DCC: variants seen among roughly 807,000 people sequenced by gnomAD.
DCC encodes netrin receptor DCC.
Under a neutral mutation model 172.5 loss-of-function variants are expected in DCC, and 58 were observed. That is an observed-to-expected ratio of 0.34 (90% CI 0.27 to 0.42). The LOEUF is 0.42. DCC is among the 10% of genes least tolerant of loss of function. The pLI, the probability that DCC is intolerant of heterozygous loss-of-function variation, is 1.00. For missense variants in DCC, 1,740 were observed against 1,791.0 expected, an observed-to-expected ratio of 0.97 and a Z score of 0.51; for synonymous variants, 709 against 644.5, an observed-to-expected ratio of 1.10 and a Z score of -1.52.
chr18:53,068,909 C>T (rs1599093989), intron 7 of DCC, among the ~76,000 whole-genome samples: 1 of 151,836 alleles, frequency 6.6e-6, no homozygotes, highest in South Asian at 2.1e-4. Flanking sequence ...TCTGAGGAAG[C>T]TGAGAGACCA....
intron 1 of DCC, among the ~76,000 whole-genome samples, chr18:52,509,708 G>C (rs145770557): frequency 6.6e-5 from 10 of 152,296 alleles, no homozygotes; most frequent in Non-Finnish European, 1.3e-4. Context: ...CTGCGATTTA[G>C]GATCTTGTGG....
intron 3 of DCC, 57 bp from the exon 4 acceptor site, chr18:52,923,650 C>T: frequency 1.5e-6 from 2 of 1,331,778 alleles, no homozygotes; most frequent in Non-Finnish European, 2.2e-6. Flanking sequence ...CAAAATATAT[C>T]ATTTATCTTT....
chr18:52,428,470 A>T (rs1216094314), intron 1 of DCC, among the ~76,000 whole-genome samples: 1 of 152,178 alleles, frequency 6.6e-6, no homozygotes, highest in African/African-American at 2.4e-5. Context: ...GCAGACCTAC[A>T]AGGAGATACA....
intron 12 of DCC, among the ~76,000 whole-genome samples, chr18:53,230,966 ATTATT>A (rs1389656336): frequency 8.7e-5 from 13 of 149,694 alleles, no homozygotes; most frequent in African/African-American, 3.2e-4. Context: ...AGATTTGCCT[ATTATT>A]TTCTTTAATA....
chr18:53,228,008 G>A (rs970674374), intron 12 of DCC, among the ~76,000 whole-genome samples: 2 of 152,056 alleles, frequency 1.3e-5, no homozygotes, highest in Admixed American at 6.6e-5. Flanking sequence ...GAAGCTGACT[G>A]TAGATTTTTA....
chr18:53,090,390 A>T (rs1469749354), intron 7 of DCC, among the ~76,000 whole-genome samples: 2 of 151,976 alleles, frequency 1.3e-5, no homozygotes, highest in African/African-American at 4.8e-5. Flanking sequence ...TGGAAGAACT[A>T]GCATTTTGAG....
chr18:53,409,144 G>T (rs1182021091), intron 19 of DCC, among the ~76,000 whole-genome samples: 1 of 152,176 alleles, frequency 6.6e-6, no homozygotes, highest in Non-Finnish European at 1.5e-5. Context: ...AGGTGGAATG[G>T]TGTGGGAATA....
At chr18:53,102,274 G>A (rs1488457207) in intron 7 of DCC, among the ~76,000 whole-genome samples, 1 of 152,020 alleles carries the variant, frequency 6.6e-6, no homozygotes, top group Non-Finnish European at 1.5e-5. Context: ...ACTTCATTTT[G>A]TTAAAGATAA....
chr18:52,480,396 C>G (rs570429009), intron 1 of DCC, among the ~76,000 whole-genome samples: 1 of 151,504 alleles, frequency 6.6e-6, no homozygotes, highest in African/African-American at 2.4e-5. Context: ...CTAGAACATA[C>G]GTTTTCTTCA....
chr18:52,504,699 C>T (rs928226997), intron 1 of DCC, among the ~76,000 whole-genome samples: 1 of 152,066 alleles, frequency 6.6e-6, no homozygotes, highest in East Asian at 1.9e-4. Context: ...TTTATCTGCT[C>T]GGGTGTTACC....
At chr18:52,862,653 G>T (rs1003768727) in intron 2 of DCC, among the ~76,000 whole-genome samples, 6 of 152,036 alleles carry the variant, frequency 3.9e-5, no homozygotes, top group Non-Finnish European at 8.8e-5. Flanking sequence ...AGTTGAGATT[G>T]CGCCACTGCA....
rs917254767 is a variant in DCC, at chr18:52,431,314, TAAAG to T, written c.91+90443_91+90446del. Among the ~76,000 whole-genome samples the T allele has an allele frequency of 4.0e-5, 6 of 151,898 alleles. No individual in the cohort carries two copies. The East Asian group carries it at 5.8e-4, about 15-fold the overall frequency. Reference sequence around the variant, plus strand: ...AAAAAAATAAGAAAAGCAATAATAATAAAGAAAGAAGAGAACATTTAGAAAAAAA... The same window carrying T: ...AAAAAAATAAGAAAAGCAATAATAATAAAGAAGAGAACATTTAGAAAAAAA... On this transcript the variant is annotated intron_variant, in intron 1 of 28. Coordinates refer to ENST00000442544, the MANE Select transcript of DCC (RefSeq NM_005215.4).
intron 2 of DCC, among the ~76,000 whole-genome samples, chr18:52,833,090 T>A (rs2038646015): frequency 1.3e-5 from 2 of 152,118 alleles, no homozygotes; most frequent in Non-Finnish European, 2.9e-5. Context: ...CATTTAACTA[T>A]TGCCAGAAAT....
intron 7 of DCC, among the ~76,000 whole-genome samples, chr18:53,095,904 G>C (rs961746791): frequency 2.0e-5 from 3 of 148,392 alleles, no homozygotes; most frequent in Non-Finnish European, 4.4e-5. Context: ...ATTCCTCAAA[G>C]GTATAAATGA....
At chr18:52,633,814 A>G (rs58867668) in intron 1 of DCC, among the ~76,000 whole-genome samples, 7,239 of 152,260 alleles carry the variant, frequency 0.048, 278 homozygotes, top group African/African-American at 0.098. Context: ...GCATAAAACA[A>G]TAAGTCAATG....
At chr18:52,349,979 A>C (rs1182719957) in intron 1 of DCC, among the ~76,000 whole-genome samples, 1 of 152,166 alleles carries the variant, frequency 6.6e-6, no homozygotes, top group Non-Finnish European at 1.5e-5. Context: ...CATCATCTTT[A>C]GCTTATTGTA....
At chr18:52,502,272 G>A (rs930452688) in intron 1 of DCC, among the ~76,000 whole-genome samples, 98 of 152,256 alleles carry the variant, frequency 6.4e-4, no homozygotes, top group African/African-American at 2.1e-3. Flanking sequence ...AGAAAAAAAT[G>A]TTCAATCCAC....
intron 12 of DCC, among the ~76,000 whole-genome samples, chr18:53,271,711 T>G (rs1345854730): frequency 6.6e-6 from 1 of 152,118 alleles, no homozygotes; most frequent in Non-Finnish European, 1.5e-5. Context: ...CCACTTTTTC[T>G]GTATTTTGAT....
At chr18:53,224,169 G>C (rs888533665) in intron 12 of DCC, among the ~76,000 whole-genome samples, 3 of 152,152 alleles carry the variant, frequency 2.0e-5, no homozygotes, top group African/African-American at 7.2e-5. Context: ...ACAGTCATGC[G>C]ATAGAATTTG....
Sources: allele counts gnomAD v4.1 joint callset (sites outside exome capture counted in the v4.1 genomes callset), GRCh38; gene constraint gnomAD v4.1.1; transcripts MANE v1.5; gene names NCBI Gene and HGNC (gene_info 2026-07-23, HGNC 2026-07-21).